RGL4: variants seen among roughly 807,000 people sequenced by gnomAD.
RGL4 encodes the protein ral guanine nucleotide dissociation stimulator like 4, also known as ral-GDS-related protein.
Under a neutral mutation model 49.6 loss-of-function variants are expected in RGL4, and 41 were observed. The ratio of observed to expected loss-of-function variants is 0.83; its 90% confidence interval spans 0.64 to 1.07. The LOEUF (loss-of-function observed/expected upper bound fraction) is 1.07, where lower values mean the gene tolerates loss of function less well. Ranked by LOEUF, RGL4 falls within the 50% of genes least tolerant of loss-of-function variation. The pLI, the probability that RGL4 is intolerant of heterozygous loss-of-function variation, is 0.00. For missense variants in RGL4, 610 were observed against 591.9 expected, an observed-to-expected ratio of 1.03 and a Z score of -0.32; for synonymous variants, 255 against 238.0, an observed-to-expected ratio of 1.07 and a Z score of -0.66.
At chr22:23,697,041 G>A (rs572156721) in intron 7 of RGL4, 130 bp from the exon 8 acceptor site, 6 of 737,568 alleles carry the variant, frequency 8.1e-6, no homozygotes, top group East Asian at 7.6e-5. Context: ...CTCCAACCGG[G>A]AGACCTGAGG....
In RGL4 at chr22:23,696,260, C is replaced by T; in HGVS notation, c.1087-354C>T. 2.5e-6 allele frequency: 3 copies of T among 1,184,964 alleles called. No individual in the cohort carries two copies. In the South Asian group the frequency reaches 4.7e-5, roughly 19 times the overall value. 73.4% of individuals were successfully genotyped at this position (1,184,964 alleles called of 1,614,324 possible). On this transcript the variant is annotated intron_variant, in intron 6 of 10. Coordinates refer to ENST00000290691, the MANE Select transcript of RGL4 (RefSeq NM_153615.2). ...GATGCTGAGCCTGTAGTGCAGGCCT[C>T]ACAGGGTAGAAATGAAGTTCAAGAA...
At chr22:23,693,371 G>C (rs1198370344) in intron 3 of RGL4, among the ~76,000 whole-genome samples, 2 of 152,214 alleles carry the variant, frequency 1.3e-5, no homozygotes, top group African/African-American at 2.4e-5. Flanking sequence ...CCCAAACAGA[G>C]CCCATAGTTG....
chr22:23,698,703 C>T (rs1407796280), intron 10 of RGL4, 141 bp from the exon 11 acceptor site: 62 of 1,122,580 alleles, frequency 5.5e-5, no homozygotes, highest in Non-Finnish European at 7.4e-5. Context: ...TGCAGAGAGC[C>T]TATGGCCATG....
In RGL4 at chr22:23,698,892, C is replaced by T. The variant is rs1252672098; in HGVS notation, c.*9C>T. On this transcript the variant is annotated 3_prime_UTR_variant, in exon 11 of 11. Coordinates refer to ENST00000290691, the MANE Select transcript of RGL4 (RefSeq NM_153615.2). ...AGCCCGAAAACCCGTAGGCTGGCAA[C>T]ATCCTGCAGTGGCTGGGAACCCACC... 1.2e-6 allele frequency: 2 copies of T among 1,612,710 alleles called. No individual in the cohort carries two copies. Among genetic ancestry groups the T allele is most frequent in the South Asian group, 1.1e-5 (1 of 90,596 alleles).
At position 23,691,169 on chromosome 22, in the gene RGL4, T is replaced by C. The variant is rs1173958176; in HGVS notation, c.-862T>C. 4 of 152,234 alleles carry C rather than the reference T, an allele frequency of 2.6e-5. No individual in the cohort carries two copies. Among genetic ancestry groups the C allele is most frequent in the South Asian group, 2.1e-4 (1 of 4,830 alleles). 9.4% of individuals were successfully genotyped at this position (152,234 alleles called of 1,614,324 possible). A position where few individuals can be genotyped will look rare whatever the true frequency, so the allele number is the denominator to read the frequency against. On this transcript the variant is annotated 5_prime_UTR_variant, in exon 1 of 11. Coordinates refer to ENST00000290691, the MANE Select transcript of RGL4 (RefSeq NM_153615.2). ...GGAAAATCTGCTGGGGGTGCTGTGA[T>C]TCATGTTTGTTACTTTTCTCTTCCC...
rs779628638 is a variant in RGL4, at chr22:23,698,393, A to G, written c.1382+60A>G. On this transcript the variant is annotated intron_variant, in intron 10 of 10. Transcript: ENST00000290691. Reference sequence around the variant, plus strand: ...AGGCTCTCCATTTTTTTTTTTTAACATGGTCTGGCTCTGTCGCCCAGGCTG... The same window carrying G: ...AGGCTCTCCATTTTTTTTTTTTAACGTGGTCTGGCTCTGTCGCCCAGGCTG... 9 of 1,545,404 alleles carry G rather than the reference A, an allele frequency of 5.8e-6. No homozygotes were observed. In the East Asian group the frequency reaches 1.4e-4, roughly 23 times the overall value.
Position 23,693,804 on chromosome 22 carries a change from T to C in RGL4, c.742T>C (p.Trp248Arg). The C allele has an allele frequency of 6.2e-7, 1 of 1,614,112 alleles. No homozygotes were observed. The highest frequency in any genetic ancestry group is 8.5e-7 in the Non-Finnish European group (1 of 1,180,028). The part of the protein sequence containing the change: ...VVLHECLGCI[W>R]GQGHLKGNEH... ...GCTCCACGAATGCTTGGGCTGCATC[T>C]GGGGCCAAGGACATCTGAAGGGGAA... Residue 248 changes from tryptophan to arginine, a missense_variant, in exon 4 of 11, where the codon TGG (tryptophan) becomes CGG (arginine). Physicochemically the swap from Trp to Arg is moderately radical, Grantham distance 101. Transcript: ENST00000290691.
chr22:23,694,836 G>C, intron 5 of RGL4, 114 bp from the exon 6 acceptor site: 1 of 840,516 alleles, frequency 1.2e-6, no homozygotes, highest in South Asian at 1.4e-5. Flanking sequence ...GGACTCCACT[G>C]AAAACTCTCA....
At chr22:23,693,362 CCAAA>C (rs1352428655) in intron 3 of RGL4, among the ~76,000 whole-genome samples, 3 of 152,150 alleles carry the variant, frequency 2.0e-5, no homozygotes, top group African/African-American at 7.2e-5. Flanking sequence ...TGGTAGACAC[CCAAA>C]CAGAGCCCAT....
intron 10 of RGL4, 42 bp from the exon 11 acceptor site, chr22:23,698,802 T>C (rs956182629): frequency 1.9e-6 from 3 of 1,586,442 alleles, no homozygotes. Flanking sequence ...GGACCTGATG[T>C]GTGGCTCATG....
chr22:23,694,414 T>C lies in RGL4; in HGVS notation c.980T>C (p.Ile327Thr), dbSNP rs754601723. ...VIVSALCSNP[I>T]GQLHKTWAGV... ...GTCTCTGCTCTGTGCAGCAACCCAA[T>C]AGGTCAGCTACACAAGACGTGGGCA... Residue 327 changes from isoleucine (I) to threonine (T), a missense_variant, in exon 5 of 11, where the codon ATA becomes ACA. By Grantham distance (89) the Ile-to-Thr change is moderately conservative. Coordinates refer to ENST00000290691, the MANE Select transcript of RGL4 (RefSeq NM_153615.2). 2.0e-5 allele frequency: 32 copies of C among 1,613,790 alleles called. No homozygotes were observed. Among genetic ancestry groups the C allele is most frequent in the African/African-American group, 4.0e-5 (3 of 74,882 alleles).
intron 4 of RGL4, 135 bp from the exon 5 acceptor site, chr22:23,694,212 C>T (rs920599937): frequency 7.8e-6 from 6 of 764,964 alleles, no homozygotes; most frequent in Admixed American, 2.2e-5. Context: ...GACATCCACT[C>T]GGCCCCAGGT....
In RGL4 at chr22:23,697,187, T is replaced by C. The variant is rs776735946; in HGVS notation, c.1178T>C (p.Leu393Pro). 1.9e-6 allele frequency: 3 copies of C among 1,611,696 alleles called. No individual in the cohort carries two copies. Among genetic ancestry groups the C allele is most frequent in the Middle Eastern group, 1.7e-4 (1 of 6,056 alleles). ...RRQKKGVVPF[L>P]GDFLTELQRL... ...TTGGCACAGGGTGTGGTCCCCTTCC[T>C]GGGGGATTTTCTGACTGAGTTACAG... is the stretch of plus-strand genomic sequence containing the variant. The change falls in exon 8 of 11, where the codon CTG becomes CCG. Residue 393 changes from leucine (L) to proline (P), a missense_variant. Leu to Pro is a moderately conservative substitution (Grantham distance 98). Coordinates refer to ENST00000290691, the MANE Select transcript of RGL4 (RefSeq NM_153615.2).
rs147860727 is a variant in RGL4 at position 23,692,386 on chromosome 22, C to T, written c.231C>T (p.Tyr77=). The T allele has an allele frequency of 2.1e-3, 3,317 of 1,614,226 alleles. 7 individuals carry two copies. Among genetic ancestry groups the T allele is most frequent in the Non-Finnish European group, 2.4e-3 (2,887 of 1,180,036 alleles). ...GGCCCCCCGAAAACACTTCAGTTTA[C>T]TATCAGCCCCCGCAACGGTCATCTT... ...FNWPPENTSV[Y]YQPPQRSSFR... The change falls in exon 2 of 11, where the codon TAC becomes TAT. Residue 77 remains tyrosine, a synonymous_variant. Coordinates refer to ENST00000290691, the MANE Select transcript of RGL4 (RefSeq NM_153615.2).
intron 9 of RGL4, 122 bp from the exon 10 acceptor site, chr22:23,698,090 G>A (rs1923628538): frequency 1.5e-6 from 2 of 1,345,684 alleles, no homozygotes; most frequent in Non-Finnish European, 2.0e-6. Flanking sequence ...AACAGGCTGG[G>A]GGCGCTGCAT....
At chr22:23,694,188 C>A in intron 4 of RGL4, 159 bp from the exon 5 acceptor site, 2 of 715,886 alleles carry the variant, frequency 2.8e-6, no homozygotes, top group Non-Finnish European at 4.8e-6. Context: ...GAACTAAAAT[C>A]CTCCTAGATG....
chr22:23,692,601 C>A lies in RGL4; in HGVS notation c.374-68C>A. On this transcript the variant is annotated intron_variant, in intron 2 of 10. Transcript: ENST00000290691. ...GGCTACAATTCCCTTAAATTCCACC[C>A]GGTCATTTCTGTGCTTGGAAAACCC... The A allele has an allele frequency of 6.3e-7, 1 of 1,576,266 alleles. No homozygotes were observed. The highest frequency in any genetic ancestry group is 1.2e-5 in the South Asian group (1 of 86,694).
chr22:23,698,377 ATTT>A lies in RGL4; in HGVS notation c.1382+54_1382+56del, dbSNP rs374666466. ...GGCTGAGGGTGGGAGAAGGCTCTCC[ATTT>A]TTTTTTTTTAACATGGTCTGGCTCT... On this transcript the variant is annotated intron_variant, in intron 10 of 10. Coordinates refer to ENST00000290691, the MANE Select transcript of RGL4 (RefSeq NM_153615.2). 13 of 1,239,906 alleles carry A rather than the reference ATTT, an allele frequency of 1.0e-5. No individual in the cohort carries two copies. The South Asian group carries it at 1.3e-4, about 12-fold the overall frequency. 76.8% of individuals were successfully genotyped at this position (1,239,906 alleles called of 1,614,324 possible). A position where few individuals can be genotyped will look rare whatever the true frequency, so the allele number is the denominator to read the frequency against.
intron 10 of RGL4, 109 bp from the exon 11 acceptor site, chr22:23,698,735 C>T: frequency 7.4e-7 from 1 of 1,352,008 alleles, no homozygotes; most frequent in Non-Finnish European, 1.0e-6. Flanking sequence ...AGCATCAAGC[C>T]CTGTTGCATG....
Sources: allele counts gnomAD v4.1 joint callset (sites outside exome capture counted in the v4.1 genomes callset), GRCh38; gene constraint gnomAD v4.1.1; transcripts MANE v1.5; gene names NCBI Gene and HGNC (gene_info 2026-07-23, HGNC 2026-07-21).